The following TRAF1 variants were observed in gnomAD, a reference collection of about 807,000 sequenced individuals.
TRAF1 encodes the protein TNF receptor-associated factor 1.
TRAF1 carries 23 observed loss-of-function variants against 40.9 expected under a neutral mutation model. That is an observed-to-expected ratio of 0.56 (90% CI 0.40 to 0.80). The LOEUF is 0.80. TRAF1 is among the 30% of genes least tolerant of loss of function. TRAF1 has a pLI of 0.00. For synonymous variants in TRAF1, 206 were observed against 218.8 expected, an observed-to-expected ratio of 0.94 and a Z score of 0.52; for missense variants, 477 against 528.7, an observed-to-expected ratio of 0.90 and a Z score of 0.96.
intron 2 of TRAF1, among the ~76,000 whole-genome samples, chr9:120,925,489 T>C (rs1050165422): frequency 1.3e-5 from 2 of 152,264 alleles, no homozygotes; most frequent in African/African-American, 4.8e-5. Flanking sequence ...TGAGCAATGC[T>C]GTGGAAGGAG....
Position 120,911,516 on chromosome 9 carries a change from G to A in TRAF1, c.706-3C>T, listed in dbSNP as rs777930393. 3 of 1,609,262 alleles carry A rather than the reference G, an allele frequency of 1.9e-6. No homozygotes were observed. The highest frequency in any genetic ancestry group is 1.3e-5 in the African/African-American group (1 of 75,012). On this transcript the variant is annotated splice_region_variant and splice_polypyrimidine_tract_variant and intron_variant, in intron 5 of 7. Transcript: ENST00000373887. ...AGGGTCTGCTGAAGCTCCACCACCT[G>A]TAGGGAAGACTGTTCAGCCAGGAAC...
In TRAF1 at chr9:120,905,238, C is replaced by A; in HGVS notation, c.1033G>T (p.Val345Phe). The change falls in exon 8 of 8, where the codon GTC becomes TTC. Residue 345 changes from valine to phenylalanine, a missense_variant and splice_region_variant. Physicochemically the swap from Val to Phe is conservative, Grantham distance 50. Transcript: ENST00000373887. ...ALLPWPFRNK[V>F]TFMLLDQNNR... The stretch of plus-strand genomic sequence containing the variant: ...TTCTGGTCCAGCAGCATGAAGGTGA[C>A]CTGCAGGGAAGGGATAGGTGGGAGA... 1 of 1,606,036 alleles carries A rather than the reference C, an allele frequency of 6.2e-7. No homozygotes were observed. The highest frequency in any genetic ancestry group is 8.5e-7 in the Non-Finnish European group (1 of 1,176,192).
chr9:120,906,872 T>C (rs1167986237), intron 7 of TRAF1, among the ~76,000 whole-genome samples: 1 of 152,164 alleles, frequency 6.6e-6, no homozygotes, highest in African/African-American at 2.4e-5. Flanking sequence ...TTGTTTTTGT[T>C]TTTGTTTTTG....
rs1257057444 is a variant in TRAF1 at position 120,902,567 on chromosome 9, C to G, written c.*2453G>C. 1 of 151,864 alleles carries G rather than the reference C, an allele frequency of 6.6e-6. No homozygotes were observed. 9.4% of individuals were successfully genotyped at this position (151,864 alleles called of 1,614,324 possible). ...TGATGCTGTCTACACTCCAGTTCATCTGACCCTTCTGACTCCCTCCCCCAT... is the reference window on the plus strand; with the variant it reads ...TGATGCTGTCTACACTCCAGTTCATGTGACCCTTCTGACTCCCTCCCCCAT... On this transcript the variant is annotated 3_prime_UTR_variant, in exon 8 of 8. Transcript: ENST00000373887.
chr9:120,916,016 G>C (rs571899311), intron 3 of TRAF1, among the ~76,000 whole-genome samples: 2 of 152,234 alleles, frequency 1.3e-5, no homozygotes, highest in South Asian at 4.1e-4. Context: ...ACAAAGGTGT[G>C]TATGTGAATG....
chr9:120,912,504 A>G (rs917968301), intron 5 of TRAF1, among the ~76,000 whole-genome samples: 4 of 152,152 alleles, frequency 2.6e-5, no homozygotes, highest in African/African-American at 4.8e-5. Context: ...AAAATACAAA[A>G]AATTTAGCTG....
At position 120,914,285 on chromosome 9, in the gene TRAF1, C is replaced by T. The variant is rs775780991; in HGVS notation, c.244G>A (p.Ala82Thr). ...RTQEKAHPEV[A>T]EAGIGCPFAG... is the part of the protein sequence containing the mutation. Reference sequence around the variant, plus strand: ...AAGGGGCACCCAATTCCAGCCTCAGCCACCTCGGGGTGAGCCTGGAAATAA... The same window carrying T: ...AAGGGGCACCCAATTCCAGCCTCAGTCACCTCGGGGTGAGCCTGGAAATAA... Residue 82 changes from alanine (A) to threonine (T), a missense_variant, in exon 4 of 8, where the codon GCT becomes ACT. Ala to Thr is a moderately conservative substitution (Grantham distance 58). Coordinates refer to ENST00000373887, the MANE Select transcript of TRAF1 (RefSeq NM_005658.5). 1.3e-6 allele frequency: 2 copies of T among 1,538,076 alleles called. No homozygotes were observed. Among genetic ancestry groups the T allele is most frequent in the Non-Finnish European group, 1.8e-6 (2 of 1,132,130 alleles).
At chr9:120,916,738 A>G (rs1204397666) in intron 3 of TRAF1, among the ~76,000 whole-genome samples, 1 of 151,630 alleles carries the variant, frequency 6.6e-6, no homozygotes, top group African/African-American at 2.4e-5. Context: ...TTCCCAATAA[A>G]TAATAGAAAA....
intron 7 of TRAF1, among the ~76,000 whole-genome samples, chr9:120,905,807 C>T (rs1588147028): frequency 1.3e-5 from 2 of 152,238 alleles, no homozygotes; most frequent in South Asian, 2.1e-4. Flanking sequence ...CACAAACCCT[C>T]TTCCCTGGCA....
At position 120,912,677 on chromosome 9, in the gene TRAF1, A is replaced by AAAGAG. The variant is rs71845421; in HGVS notation, c.705+650_705+651insCTCTT. 6.0e-4 allele frequency among the ~76,000 whole-genome samples: 30 copies of AAAGAG among 50,108 alleles called. No homozygotes were observed. In the Admixed American group the frequency reaches 8.4e-3, roughly 14 times the overall value. The allele number at this position is 50,108 out of a possible 152,430, so 32.9% of individuals were successfully genotyped here. A position where few individuals can be genotyped will look rare whatever the true frequency, so the allele number is the denominator to read the frequency against. Reference sequence around the variant, plus strand: ...TCTCAAAGGAAAAAAAAAAAGAAAGAAAGAAAAGAAAAGTATAAGCTCTAG... The same window carrying AAAGAG: ...TCTCAAAGGAAAAAAAAAAAGAAAGAAAGAGAAGAAAAGAAAAGTATAAGCTCTAG... On this transcript the variant is annotated intron_variant, in intron 5 of 7. Coordinates refer to ENST00000373887, the MANE Select transcript of TRAF1 (RefSeq NM_005658.5).
At chr9:120,911,274 C>T in intron 6 of TRAF1, 62 bp downstream of exon 6, 1 of 1,557,800 alleles carries the variant, frequency 6.4e-7, no homozygotes, top group Admixed American at 1.8e-5. Context: ...TCACTGCTTG[C>T]TTCCTGGGTC....
rs781487955 is a variant in TRAF1, at chr9:120,904,683, C to T, written c.*337G>A. 6.5e-6 allele frequency: 2 copies of T among 306,118 alleles called. No individual in the cohort carries two copies. The highest frequency in any genetic ancestry group is 1.2e-5 in the Non-Finnish European group (2 of 160,270). 19.0% of individuals were successfully genotyped at this position (306,118 alleles called of 1,614,324 possible). ...CGAGAGCTTCTCTGCTTGGGTCCTACGGTTCCAAGCCTGGTTCCATTTTCT... is the reference window on the plus strand; with the variant it reads ...CGAGAGCTTCTCTGCTTGGGTCCTATGGTTCCAAGCCTGGTTCCATTTTCT... On this transcript the variant is annotated 3_prime_UTR_variant, in exon 8 of 8. Transcript: ENST00000373887.
At chr9:120,923,644 G>A (rs929022178) in intron 3 of TRAF1, 61 bp downstream of exon 3, 1 of 1,552,162 alleles carries the variant, frequency 6.4e-7, no homozygotes, top group African/African-American at 1.4e-5. Flanking sequence ...CTGTCTACTT[G>A]GCTTCAACCT....
upstream of TRAF1, chr9:120,929,150 G>C (rs903514223): frequency 6.6e-6 from 1 of 152,516 alleles, no homozygotes; most frequent in Non-Finnish European, 1.5e-5. This position sits in a 1 kb window ranked among gnomAD's most constrained non-coding sequence, Gnocchi z 4.5. Flanking sequence ...CCGGCGGCCA[G>C]GCCCGGAGCT....
intron 3 of TRAF1, among the ~76,000 whole-genome samples, chr9:120,918,003 G>A (rs1321712396): frequency 6.6e-6 from 1 of 152,120 alleles, no homozygotes; most frequent in Non-Finnish European, 1.5e-5. Context: ...AATGTGACTG[G>A]TATCCTTTTA....
At chr9:120,914,452 C>G (rs2046555554) in intron 3 of TRAF1, 152 bp from the exon 4 acceptor site, 1 of 1,233,222 alleles carries the variant, frequency 8.1e-7, no homozygotes, top group Non-Finnish European at 1.0e-6. Context: ...TCCTTTCCAC[C>G]CTTTAAGCTT....
chr9:120,914,434 T>C (rs1177826069), intron 3 of TRAF1, 134 bp from the exon 4 acceptor site: 4 of 1,241,514 alleles, frequency 3.2e-6, no homozygotes, highest in Non-Finnish European at 4.0e-6. Context: ...CTGTTCCCTT[T>C]GGCTATCTCC....
chr9:120,909,194 C>A, intron 7 of TRAF1, 36 bp downstream of exon 7: 1 of 1,603,836 alleles, frequency 6.2e-7, no homozygotes, highest in African/African-American at 1.3e-5. Flanking sequence ...GGCTTCCATG[C>A]TCCCCACCTT....
chr9:120,911,872 T>C (rs912147357), intron 5 of TRAF1, among the ~76,000 whole-genome samples: 3 of 152,220 alleles, frequency 2.0e-5, no homozygotes, highest in Non-Finnish European at 2.9e-5. Context: ...TGTGTCTTTG[T>C]GTCCATGCCT....
Sources: allele counts gnomAD v4.1 joint callset (sites outside exome capture counted in the v4.1 genomes callset), GRCh38; gene constraint gnomAD v4.1.1; non-coding constraint Gnocchi (gnomAD v3.1); transcripts MANE v1.5; gene names NCBI Gene and HGNC (gene_info 2026-07-23, HGNC 2026-07-21).